The following RPRD2 variants were observed in gnomAD, a reference collection of about 807,000 sequenced individuals.
RPRD2 encodes the protein regulation of nuclear pre-mRNA domain containing 2.
In RPRD2, 12 loss-of-function variants were observed where a neutral mutation model predicts 104.4. The observed-to-expected ratio is 0.11, with a 90% CI of 0.07 to 0.19. RPRD2 has a LOEUF of 0.19. RPRD2 is among the 10% of genes least tolerant of loss of function. RPRD2 has a pLI of 1.00. For missense variants in RPRD2, 1,543 were observed against 1,790.1 expected (o/e 0.86, Z 2.49); for synonymous variants, 714 against 684.9 (o/e 1.04, Z -0.66).
intron 1 of RPRD2, among the ~76,000 whole-genome samples, chr1:150,398,609 A>G (rs1006843963): frequency 2.0e-5 from 3 of 150,702 alleles, no homozygotes; most frequent in Non-Finnish European, 1.5e-5. Context: ...AGTGGTGTGA[A>G]CTCGGCTCAC....
rs746450099 is a variant in RPRD2 at position 150,471,387 on chromosome 1, G to A, written c.2439G>A (p.Leu813=). The A allele has an allele frequency of 1.2e-6, 2 of 1,613,772 alleles. No homozygotes were observed. The highest frequency in any genetic ancestry group is 2.2e-5 in the East Asian group (1 of 44,854). ...PSDGMERPSS[L]MDSSQEKFYP... is the part of the protein sequence containing the mutation. ...ATGGAATGGAGAGACCATCTTCCCT[G>A]ATGGACTCTTCACAGGAAAAGTTCT... The change falls in exon 11 of 11, where the codon CTG becomes CTA. Residue 813 remains leucine, a synonymous_variant. Transcript: ENST00000369068. The surrounding 1 kb of genome is among the most constrained non-coding windows in gnomAD (Gnocchi z 5.3).
chr1:150,467,607 C>G (rs1668362127), intron 10 of RPRD2, among the ~76,000 whole-genome samples: 1 of 152,042 alleles, frequency 6.6e-6, no homozygotes. Context: ...CTCCTGACCT[C>G]ACGTGATCCA....
In RPRD2 at chr1:150,364,905, A is replaced by G. The variant is rs781945136; in HGVS notation, c.191A>G (p.Lys64Arg). Residue 64 changes from lysine (K) to arginine (R), a missense_variant, in exon 1 of 11, where the codon AAG (lysine) becomes AGG (arginine). Lys to Arg is a conservative substitution (Grantham distance 26). This residue lies in a region of RPRD2 where 88 missense variants were observed against 96.6 expected (regional missense o/e 0.91). Coordinates refer to ENST00000369068, the MANE Select transcript of RPRD2 (RefSeq NM_015203.5). ...AGTACTATCGTCTATCATTGGATGAAGTGGCTCCGGAGATGTGAGTGTTGG... is the reference window on the plus strand; with the variant it reads ...AGTACTATCGTCTATCATTGGATGAGGTGGCTCCGGAGATGTGAGTGTTGG... ...HHSTIVYHWM[K>R]WLRRSAYPHR... 5.6e-6 allele frequency: 9 copies of G among 1,613,956 alleles called. No homozygotes were observed. The East Asian group carries it at 2.0e-4, about 36-fold the overall frequency.
Position 150,439,627 on chromosome 1 carries a change from C to CTTT in RPRD2, c.336-1284_336-1282dup, listed in dbSNP as rs66814229. The stretch of plus-strand genomic sequence containing the variant: ...GAAAGAGGCCTTAAGTTTGACATAG[C>CTTT]TTTTTTTTTTTTTTGTCTTCAATCT... On this transcript the variant is annotated intron_variant, in intron 2 of 10. Coordinates refer to ENST00000369068, the MANE Select transcript of RPRD2 (RefSeq NM_015203.5). Among the ~76,000 whole-genome samples the CTTT allele has an allele frequency of 1.2e-3, 165 of 142,260 alleles. 2 individuals carry two copies. Among genetic ancestry groups the CTTT allele is most frequent in the Middle Eastern group, 3.7e-3 (1 of 270 alleles). 93.3% of individuals were successfully genotyped at this position (142,260 alleles called of 152,430 possible).
chr1:150,427,781 A>G (rs1665256561), intron 2 of RPRD2, among the ~76,000 whole-genome samples: 1 of 152,212 alleles, frequency 6.6e-6, no homozygotes, highest in African/African-American at 2.4e-5. Flanking sequence ...CCTGGGTGAC[A>G]TAGCGAGTCT....
chr1:150,441,491 T>G (rs782517461), intron 3 of RPRD2: 3 of 195,428 alleles, frequency 1.5e-5, no homozygotes, highest in Non-Finnish European at 3.1e-5. Context: ...AAAGGAATTA[T>G]GTATTATATG....
At chr1:150,389,072 TG>T (rs1193169340) in intron 1 of RPRD2, among the ~76,000 whole-genome samples, 3 of 152,298 alleles carry the variant, frequency 2.0e-5, no homozygotes, top group Admixed American at 2.0e-4. Flanking sequence ...AGTCTTGCTC[TG>T]TTGCCCAGGC....
intron 2 of RPRD2, among the ~76,000 whole-genome samples, chr1:150,426,544 T>TC (rs1257471280): frequency 6.6e-6 from 1 of 152,152 alleles, no homozygotes; most frequent in Non-Finnish European, 1.5e-5. Context: ...GAGCTAAGTA[T>TC]CCATCTCAAG....
At chr1:150,371,714 G>A (rs973630949) in intron 1 of RPRD2, among the ~76,000 whole-genome samples, 1 of 152,184 alleles carries the variant, frequency 6.6e-6, no homozygotes, top group Admixed American at 6.5e-5. Context: ...CAGCTAATAG[G>A]TGGTGGAGAT....
In RPRD2 at chr1:150,457,488, C is replaced by T. The variant is rs1286016965; in HGVS notation, c.1071C>T (p.Ala357=). 2 of 1,613,756 alleles carry T rather than the reference C, an allele frequency of 1.2e-6. No individual in the cohort carries two copies. The highest frequency in any genetic ancestry group is 1.3e-5 in the African/African-American group (1 of 75,004). ...QSPTMESEKS[A]TPEPVTDNRD... ...CAACCATGGAGAGTGAGAAATCTGC[C>T]ACACCTGAACCTGTGACAGATAATC... The change falls in exon 8 of 11, where the codon GCC becomes GCT. Residue 357 remains alanine (A), a synonymous_variant. Transcript: ENST00000369068.
At chr1:150,469,001 A>C (rs909404315) in intron 10 of RPRD2, among the ~76,000 whole-genome samples, 1 of 151,858 alleles carries the variant, frequency 6.6e-6, no homozygotes, top group Non-Finnish European at 1.5e-5. Flanking sequence ...ACATTATTTC[A>C]GTTGTTTGGA....
At position 150,381,662 on chromosome 1, in the gene RPRD2, G is replaced by T. The variant is rs375549356; in HGVS notation, c.205+16743G>T. ...TGAGACTACAGGCGCCCACCACTGC[G>T]CCTGGCTAATTTTTTGTATTTTTAG... is the stretch of plus-strand genomic sequence containing the variant. On this transcript the variant is annotated intron_variant, in intron 1 of 10. Coordinates refer to ENST00000369068, the MANE Select transcript of RPRD2 (RefSeq NM_015203.5). Among the ~76,000 whole-genome samples, 96 of 151,974 alleles carry T rather than the reference G, an allele frequency of 6.3e-4. 2 individuals carry two copies. The South Asian group carries it at 0.019, about 30-fold the overall frequency.
At chr1:150,395,949 A>G (rs1662487614) in intron 1 of RPRD2, among the ~76,000 whole-genome samples, 3 of 152,210 alleles carry the variant, frequency 2.0e-5, no homozygotes, top group Non-Finnish European at 2.9e-5. Flanking sequence ...ACTAGTTTAC[A>G]TTCCCACCAG....
At chr1:150,368,664 A>G (rs1430522774) in intron 1 of RPRD2, among the ~76,000 whole-genome samples, 4 of 152,042 alleles carry the variant, frequency 2.6e-5, no homozygotes, top group Admixed American at 6.6e-5. Context: ...GGGTTTCACC[A>G]TGTTGGCCAG....
In RPRD2 at chr1:150,471,562, A is replaced by G. The variant is rs1668589908; in HGVS notation, c.2614A>G (p.Ile872Val). The G allele has an allele frequency of 1.2e-6, 2 of 1,613,850 alleles. No individual in the cohort carries two copies. The highest frequency in any genetic ancestry group is 1.1e-5 in the South Asian group (1 of 91,064). Residue 872 changes from isoleucine to valine, a missense_variant, in exon 11 of 11, where the codon ATT (isoleucine) becomes GTT (valine). Physicochemically the swap from Ile to Val is conservative, Grantham distance 29 (BLOSUM62 3). Transcript: ENST00000369068. The surrounding 1 kb of genome is among the most constrained non-coding windows in gnomAD (Gnocchi z 5.3). The stretch of plus-strand genomic sequence containing the variant: ...GTCTGATACCACCGAGTACCAGCCA[A>G]TTCTGTCCAGTTATAGCCACAGAGC... ...KLSDTTEYQP[I>V]LSSYSHRAQE...
chr1:150,444,367 A>G lies in RPRD2; in HGVS notation c.684A>G (p.Lys228=), dbSNP rs1666616393. The change falls in exon 6 of 11, where the codon AAA becomes AAG. Residue 228 remains lysine (K), a synonymous_variant. Coordinates refer to ENST00000369068, the MANE Select transcript of RPRD2 (RefSeq NM_015203.5). ...RVDVCSTETL[K]CLKDKTGGKK... is the part of the protein sequence containing the mutation. ...ATGTGTGCAGCACAGAAACTCTCAA[A>G]TGCTTAAAAGGTAATGCTTACATCC... is the stretch of plus-strand genomic sequence containing the variant. The G allele has an allele frequency of 1.2e-6, 2 of 1,612,712 alleles. No individual in the cohort carries two copies. Among genetic ancestry groups the G allele is most frequent in the African/African-American group, 1.3e-5 (1 of 74,886 alleles).
At chr1:150,407,534 C>T (rs1186114609) in intron 1 of RPRD2, among the ~76,000 whole-genome samples, 9 of 152,000 alleles carry the variant, frequency 5.9e-5, no homozygotes, top group African/African-American at 1.9e-4. Flanking sequence ...GATGTGATGC[C>T]CTTTCACTCT....
intron 1 of RPRD2, among the ~76,000 whole-genome samples, chr1:150,388,813 G>T (rs1244002275): frequency 1.3e-5 from 2 of 151,688 alleles, no homozygotes; most frequent in Non-Finnish European, 2.9e-5. Context: ...CACCATATTG[G>T]CCAGGCTGGT....
intron 7 of RPRD2, 134 bp downstream of exon 7, chr1:150,446,535 G>T: frequency 2.6e-6 from 2 of 766,626 alleles, no homozygotes; most frequent in Non-Finnish European, 4.0e-6. Flanking sequence ...TTTTGGGATA[G>T]GTGCTGTGGT....
Sources: allele counts gnomAD v4.1 joint callset (sites outside exome capture counted in the v4.1 genomes callset), GRCh38; gene constraint gnomAD v4.1.1; regional missense constraint gnomAD v4.1.1; non-coding constraint Gnocchi (gnomAD v3.1); transcripts MANE v1.5; gene names NCBI Gene and HGNC (gene_info 2026-07-23, HGNC 2026-07-21).